Variants in PCDHA6 observed in about 807,000 individuals in gnomAD.
The protein encoded by PCDHA6 is protocadherin alpha 6.
A neutral mutation model predicts 60.3 loss-of-function variants in PCDHA6; 55 were observed. The observed-to-expected ratio is 0.91, with a 90% CI of 0.73 to 1.14. The LOEUF is 1.14. Among genes scored for constraint, PCDHA6 ranks in the 50% most tolerant of loss-of-function variants. The pLI, the probability that PCDHA6 is intolerant of heterozygous loss-of-function variation, is 0.00. For missense variants in PCDHA6, 1,327 were observed against 1,256.5 expected (o/e 1.06, Z -0.85); for synonymous variants, 652 against 557.9 (o/e 1.17, Z -2.38).
At position 140,834,371 on chromosome 5, in the gene PCDHA6, C is replaced by G. The variant is rs2150215996; in HGVS notation, c.2394+3886C>G. Reference sequence around the variant, plus strand: ...AAGTTTTGCTGACTAGAAAAACAAGCCAATAATTTGAAATGGTGTGCCCGA... The same window carrying G: ...AAGTTTTGCTGACTAGAAAAACAAGGCAATAATTTGAAATGGTGTGCCCGA... On this transcript the variant is annotated intron_variant, in intron 1 of 3. Coordinates refer to ENST00000529310, the MANE Select transcript of PCDHA6 (RefSeq NM_018909.4). 3.9e-6 allele frequency: 6 copies of G among 1,557,822 alleles called. No individual in the cohort carries two copies. In the African/African-American group the frequency reaches 8.2e-5, roughly 21 times the overall value.
chr5:140,931,049 A>G (rs1165336064), intron 1 of PCDHA6, among the ~76,000 whole-genome samples: 1 of 152,226 alleles, frequency 6.6e-6, no homozygotes, highest in Non-Finnish European at 1.5e-5. Flanking sequence ...AAAAACTTCA[A>G]TGCTGTGTCT....
Position 140,828,165 on chromosome 5 carries a change from A to T in PCDHA6, c.74A>T (p.Lys25Met), listed in dbSNP as rs2150151660. 6.2e-7 allele frequency: 1 copy of T among 1,614,154 alleles called. No homozygotes were observed. The highest frequency in any genetic ancestry group is 1.1e-5 in the South Asian group (1 of 91,078). ...CCGCTTCTGCTCCTCGCAGCCTGGA[A>T]GGTGGGGAGCGGCCAGCTCCACTAC... Reference protein sequence around the residue: ...LLPLLLLAAWKVGSGQLHYSV... With the variant: ...LLPLLLLAAWMVGSGQLHYSV... The change falls in exon 1 of 4, where the codon AAG becomes ATG. Residue 25 changes from lysine to methionine, a missense_variant. Coordinates refer to ENST00000529310, the MANE Select transcript of PCDHA6 (RefSeq NM_018909.4).
intron 1 of PCDHA6, among the ~76,000 whole-genome samples, chr5:140,938,620 C>G (rs571731816): frequency 1.3e-5 from 2 of 152,172 alleles, no homozygotes; most frequent in African/African-American, 4.8e-5. Context: ...GGAATAAACT[C>G]AGGTTGCTTA....
chr5:140,847,157 T>G (rs1780881286), intron 1 of PCDHA6, among the ~76,000 whole-genome samples: 1 of 149,630 alleles, frequency 6.7e-6, no homozygotes. Context: ...TCTTGATTTC[T>G]GAGTAATAAA....
rs371960819 is a variant in PCDHA6, at chr5:140,928,197, T to C, written c.2395-50752T>C. The C allele has an allele frequency of 1.9e-5, 30 of 1,614,192 alleles. 1 individual carries two copies. In the African/African-American group the frequency reaches 2.0e-4, roughly 11 times the overall value. On this transcript the variant is annotated intron_variant, in intron 1 of 3. Coordinates refer to ENST00000529310, the MANE Select transcript of PCDHA6 (RefSeq NM_018909.4). Reference sequence around the variant, plus strand: ...CCCGAAGGACAATCACTGTGTCAGTTGCTGATGTGAATGACAATACACCAA... The same window carrying C: ...CCCGAAGGACAATCACTGTGTCAGTCGCTGATGTGAATGACAATACACCAA...
intron 1 of PCDHA6, among the ~76,000 whole-genome samples, chr5:140,839,694 A>G (rs1199656797): frequency 6.6e-6 from 1 of 152,032 alleles, no homozygotes; most frequent in Non-Finnish European, 1.5e-5. Context: ...TTTTTTGGGT[A>G]AATAATGTGA....
chr5:140,836,378 G>A, intron 1 of PCDHA6: 2 of 1,613,750 alleles, frequency 1.2e-6, no homozygotes, highest in Non-Finnish European at 1.7e-6. Context: ...CAGCCACCGT[G>A]CTGGTGTCGC....
At chr5:141,008,426 C>T (rs2098375902) in intron 3 of PCDHA6, among the ~76,000 whole-genome samples, 1 of 152,170 alleles carries the variant, frequency 6.6e-6, no homozygotes, top group Non-Finnish European at 1.5e-5. Flanking sequence ...ACTGGGATCA[C>T]TTTGCCCAGA....
At chr5:140,853,065 G>A in intron 1 of PCDHA6, 1 of 280,750 alleles carries the variant, frequency 3.6e-6, no homozygotes, top group Non-Finnish European at 5.5e-6. Context: ...ATTTTTAGTA[G>A]AGATGGGGTT....
At chr5:140,843,007 GC>G in intron 1 of PCDHA6, 1 of 1,594,980 alleles carries the variant, frequency 6.3e-7, no homozygotes, top group Non-Finnish European at 8.6e-7. Flanking sequence ...ATGACAACGC[GC>G]CGGCACTGCT....
At position 140,993,462 on chromosome 5, in the gene PCDHA6, TCACACACACACACACACACA is replaced by T. The variant is rs3836747; in HGVS notation, c.2542+10927_2542+10946del. ...CATTCCTGTTCTCCTTCTTTCTTTC[TCACACACACACACACACACA>T]CACACACACACACACACACACACAC... On this transcript the variant is annotated intron_variant, in intron 3 of 3. Coordinates refer to ENST00000529310, the MANE Select transcript of PCDHA6 (RefSeq NM_018909.4). Among the ~76,000 whole-genome samples the T allele has an allele frequency of 7.1e-5, 10 of 141,044 alleles. No individual in the cohort carries two copies. In the South Asian group the frequency reaches 9.5e-4, roughly 13 times the overall value. The allele number at this position is 141,044 out of a possible 152,430, so 92.5% of individuals were successfully genotyped here.
chr5:140,915,306 A>G (rs999638953), intron 1 of PCDHA6, among the ~76,000 whole-genome samples: 1 of 152,136 alleles, frequency 6.6e-6, no homozygotes, highest in Non-Finnish European at 1.5e-5. Context: ...ATAAGTTTAC[A>G]TACCACAATT....
chr5:140,838,077 AGT>A (rs2150283763), intron 1 of PCDHA6, among the ~76,000 whole-genome samples: 14,554 of 79,570 alleles, frequency 0.18, 836 homozygotes, highest in Admixed American at 0.23. Context: ...ATATATATAT[AGT>A]GTGTGTGTGT....
intron 1 of PCDHA6, chr5:140,968,611 G>A: frequency 6.2e-7 from 1 of 1,614,194 alleles, no homozygotes; most frequent in African/African-American, 1.3e-5. Flanking sequence ...CAGACTCTGG[G>A]CAAAATGCTT....
At chr5:140,857,413 G>A (rs979396078) in intron 1 of PCDHA6, 1 of 1,598,402 alleles carries the variant, frequency 6.3e-7, no homozygotes, top group African/African-American at 1.3e-5. Context: ...CTGCGTTCGC[G>A]CAGTCCGAGT....
chr5:140,964,087 G>T (rs2095809523), intron 1 of PCDHA6, among the ~76,000 whole-genome samples: 1 of 152,078 alleles, frequency 6.6e-6, no homozygotes, highest in African/African-American at 2.4e-5. Context: ...TTGTAGAAAG[G>T]GTAATTAACA....
rs2150347261 is a variant in PCDHA6, at chr5:140,842,884, G to A, written c.2394+12399G>A. ...AGAGCGGCAAGGTGTACGCGCTGCA[G>A]CCGCTGGACCACGAGGAGCTAGAGC... On this transcript the variant is annotated intron_variant, in intron 1 of 3. Transcript: ENST00000529310. 17 of 1,594,074 alleles carry A rather than the reference G, an allele frequency of 1.1e-5. 3 individuals are homozygous for A. The African/African-American group carries it at 1.8e-4, about 16-fold the overall frequency.
intron 1 of PCDHA6, chr5:140,834,530 G>A: frequency 6.2e-7 from 1 of 1,614,068 alleles, no homozygotes; most frequent in Non-Finnish European, 8.5e-7. Context: ...GCCGCATCGC[G>A]CAGGACCTGG....
intron 1 of PCDHA6, among the ~76,000 whole-genome samples, chr5:140,957,164 T>C (rs2095337835): frequency 6.6e-6 from 1 of 152,148 alleles, no homozygotes; most frequent in Non-Finnish European, 1.5e-5. Flanking sequence ...CAAATCTAAG[T>C]ATATAAATTG....
Sources: allele counts gnomAD v4.1 joint callset (sites outside exome capture counted in the v4.1 genomes callset), GRCh38; gene constraint gnomAD v4.1.1; transcripts MANE v1.5; gene names NCBI Gene and HGNC (gene_info 2026-07-23, HGNC 2026-07-21).